The following RIMS2 variants were observed in gnomAD, a reference collection of about 807,000 sequenced individuals.
The protein encoded by RIMS2 is regulating synaptic membrane exocytosis protein 2.
RIMS2 carries 59 observed loss-of-function variants against 174.4 expected under a neutral mutation model. The observed-to-expected ratio is 0.34, with a 90% CI of 0.27 to 0.42. The LOEUF (loss-of-function observed/expected upper bound fraction) is 0.42, where lower values mean the gene tolerates loss of function less well. Ranked by LOEUF, RIMS2 falls within the 10% of genes least tolerant of loss-of-function variation. The pLI, the probability that RIMS2 is intolerant of heterozygous loss-of-function variation, is 1.00. For missense variants in RIMS2, 1,620 were observed against 1,666.3 expected (o/e 0.97, Z 0.48); for synonymous variants, 606 against 572.5 (o/e 1.06, Z -0.84).
intron 3 of RIMS2, among the ~76,000 whole-genome samples, chr8:103,824,364 A>G (rs1016694403): frequency 6.6e-6 from 1 of 152,186 alleles, no homozygotes; most frequent in African/African-American, 2.4e-5. Flanking sequence ...CATATGGGCT[A>G]TAGGCTTTCT....
intron 20 of RIMS2, among the ~76,000 whole-genome samples, chr8:104,245,464 C>A (rs1588175152): frequency 6.6e-6 from 1 of 152,292 alleles, no homozygotes; most frequent in Non-Finnish European, 1.5e-5. Flanking sequence ...CTGGCGTATA[C>A]TTAGTTCCAT....
chr8:103,912,039 A>G lies in RIMS2; in HGVS notation c.1693-14A>G. On this transcript the variant is annotated splice_polypyrimidine_tract_variant and intron_variant, in intron 5 of 23. Coordinates refer to ENST00000504942, the Ensembl canonical transcript of RIMS2. Reference sequence around the variant, plus strand: ...TTGTATTTATTTATTTTGTTTGTTGATGCAAAATGTCAGCACCCTGTAACC... The same window carrying G: ...TTGTATTTATTTATTTTGTTTGTTGGTGCAAAATGTCAGCACCCTGTAACC... 1 of 1,525,710 alleles carries G rather than the reference A, an allele frequency of 6.6e-7. No individual in the cohort carries two copies. Among genetic ancestry groups the G allele is most frequent in the Non-Finnish European group, 8.9e-7 (1 of 1,129,386 alleles). The allele number at this position is 1,525,710 out of a possible 1,614,324, so 94.5% of individuals were successfully genotyped here.
At chr8:103,650,752 C>T (rs1268629086) in intron 1 of RIMS2, among the ~76,000 whole-genome samples, 1 of 152,202 alleles carries the variant, frequency 6.6e-6, no homozygotes, top group African/African-American at 2.4e-5. Context: ...CTGTATTCTT[C>T]AAAGTTGGCA....
intron 3 of RIMS2, among the ~76,000 whole-genome samples, chr8:103,794,795 A>T (rs1418912641): frequency 6.6e-6 from 1 of 152,260 alleles, no homozygotes; most frequent in African/African-American, 2.4e-5. Context: ...GACACTCCTC[A>T]AAAGAAGACA....
intron 19 of RIMS2, among the ~76,000 whole-genome samples, chr8:104,113,522 C>T (rs184585375): frequency 9.2e-4 from 140 of 152,062 alleles, no homozygotes; most frequent in African/African-American, 3.3e-3. Context: ...GAGCATATAT[C>T]TTACGCATTT....
intron 13 of RIMS2, 68 bp downstream of exon 15, chr8:103,936,790 C>A: frequency 2.4e-6 from 3 of 1,234,346 alleles, no homozygotes; most frequent in South Asian, 1.5e-5. Context: ...ATATAACTGT[C>A]AGTATAATTT....
chr8:103,703,581 T>C (rs1278634849), intron 2 of RIMS2, among the ~76,000 whole-genome samples: 1 of 152,174 alleles, frequency 6.6e-6, no homozygotes, highest in Non-Finnish European at 1.5e-5. Context: ...AGATTGCTTT[T>C]GGTAGTTTCA....
At chr8:103,591,633 G>A (rs981929451) in intron 1 of RIMS2, among the ~76,000 whole-genome samples, 1 of 150,964 alleles carries the variant, frequency 6.6e-6, no homozygotes, top group South Asian at 2.1e-4. Flanking sequence ...TTTTCCATAT[G>A]GATATCCAGT....
At chr8:103,555,841 G>T (rs1218569460) in intron 1 of RIMS2, among the ~76,000 whole-genome samples, 1 of 151,512 alleles carries the variant, frequency 6.6e-6, no homozygotes, top group Non-Finnish European at 1.5e-5. Context: ...AATGCACAGT[G>T]GAATACTATT....
At chr8:104,030,624 T>C (rs915363577) in intron 19 of RIMS2, among the ~76,000 whole-genome samples, 3 of 152,280 alleles carry the variant, frequency 2.0e-5, no homozygotes, top group African/African-American at 4.8e-5. Context: ...CTGGAACATA[T>C]CAGACATGCT....
intron 19 of RIMS2, among the ~76,000 whole-genome samples, chr8:104,142,920 A>G (rs2098597578): frequency 6.6e-6 from 1 of 152,198 alleles, no homozygotes; most frequent in Non-Finnish European, 1.5e-5. Context: ...TGTTAAAAAT[A>G]CTAAACTTTA....
chr8:103,995,490 T>C (rs1476957567), intron 17 of RIMS2, among the ~76,000 whole-genome samples: 1 of 152,010 alleles, frequency 6.6e-6, no homozygotes, highest in African/African-American at 2.4e-5. Context: ...ATGGTGGGCA[T>C]TCTTGACAGA....
chr8:104,037,895 A>G (rs1471642870), intron 19 of RIMS2, among the ~76,000 whole-genome samples: 1 of 152,140 alleles, frequency 6.6e-6, no homozygotes. Flanking sequence ...CCATAACATT[A>G]TAATACTGTA....
At chr8:104,191,743 C>T (rs2136398771) in intron 19 of RIMS2, among the ~76,000 whole-genome samples, 1 of 150,514 alleles carries the variant, frequency 6.6e-6, no homozygotes, top group Non-Finnish European at 1.5e-5. Flanking sequence ...TCAGCGTAGC[C>T]CCAGAGCAAA....
At position 103,661,655 on chromosome 8, in the gene RIMS2, C is replaced by T. The variant is rs766491198; in HGVS notation, c.177-35431C>T. ...AGTAGCTGGGATTACAGGCACACGC[C>T]GCCACCCCTGGCTGATTTTTTTGTA... On this transcript the variant is annotated intron_variant, in intron 1 of 23. Coordinates refer to ENST00000504942, the Ensembl canonical transcript of RIMS2. Among the ~76,000 whole-genome samples, 7 of 152,108 alleles carry T rather than the reference C, an allele frequency of 4.6e-5. No individual in the cohort carries two copies. In the East Asian group the frequency reaches 7.7e-4, roughly 17 times the overall value.
At chr8:103,705,710 G>GT (rs905810796) in intron 2 of RIMS2, among the ~76,000 whole-genome samples, 1 of 151,876 alleles carries the variant, frequency 6.6e-6, no homozygotes, top group South Asian at 2.1e-4. Context: ...CATTTTTACA[G>GT]TTTTTTACTT....
intron 14 of RIMS2, among the ~76,000 whole-genome samples, chr8:103,950,027 G>A (rs1402498282): frequency 1.3e-5 from 2 of 152,110 alleles, no homozygotes; most frequent in Non-Finnish European, 2.9e-5. Flanking sequence ...CAACCTAGGT[G>A]AAATAGAAAA....
chr8:103,570,059 G>A (rs2092695307), intron 1 of RIMS2, among the ~76,000 whole-genome samples: 1 of 152,136 alleles, frequency 6.6e-6, no homozygotes, highest in Non-Finnish European at 1.5e-5. Flanking sequence ...AATCTACTCA[G>A]TTCTTAAGAC....
At chr8:103,630,936 T>A (rs1222891204) in intron 1 of RIMS2, among the ~76,000 whole-genome samples, 2 of 152,218 alleles carry the variant, frequency 1.3e-5, no homozygotes, top group Non-Finnish European at 2.9e-5. Flanking sequence ...AAGTGTCTGT[T>A]CATGTTCTCT....
Sources: gnomAD v4.1 joint callset for allele counts (sites outside exome capture counted in the v4.1 genomes callset) on GRCh38, gnomAD v4.1.1 for gene constraint, MANE v1.5 for transcripts, NCBI Gene and HGNC (gene_info 2026-07-23, HGNC 2026-07-21) for gene names.